LMO7: variants seen among roughly 807,000 people sequenced by gnomAD.
LMO7 encodes the protein LIM domain only protein 7.
A neutral mutation model predicts 206.5 loss-of-function variants in LMO7; 120 were observed. The observed-to-expected ratio is 0.58, with a 90% CI of 0.50 to 0.68. The LOEUF is 0.68. Among genes scored for constraint, LMO7 ranks in the 30% least tolerant of loss-of-function variants. The pLI is 0.00. For synonymous variants in LMO7, 706 were observed against 681.5 expected (o/e 1.04, Z -0.56); for missense variants, 1,959 against 1,957.9 (o/e 1.00, Z -0.01).
chr13:75,759,621 G>A (rs899807974), intron 3 of LMO7, among the ~76,000 whole-genome samples: 6 of 152,036 alleles, frequency 3.9e-5, no homozygotes, highest in African/African-American at 7.2e-5. Flanking sequence ...TAGGTAGTTC[G>A]CACTGCCTTT....
chr13:75,654,476 G>A (rs561090799), intron 1 of LMO7, among the ~76,000 whole-genome samples: 1 of 123,672 alleles, frequency 8.1e-6, no homozygotes, highest in Non-Finnish European at 1.8e-5. Flanking sequence ...TAGCCAAGAC[G>A]ATAGAGCCTC....
intron 1 of LMO7, among the ~76,000 whole-genome samples, chr13:75,708,961 C>A (rs2042866607): frequency 6.6e-6 from 1 of 152,002 alleles, no homozygotes; most frequent in Admixed American, 6.5e-5. Context: ...CCCCACCCCA[C>A]AACAGGCCCC....
rs1206819411 is a variant in LMO7, at chr13:75,672,963, T to C, written c.69+36237T>C. On this transcript the variant is annotated intron_variant, in intron 1 of 30. Coordinates refer to ENST00000377534, the MANE Select transcript of LMO7 (RefSeq NM_001306080.2). ...TGTGTTTTGTTTTCTATGAAAAACT[T>C]AAAAACTTTTTATCTAGTTGAGTTT... Among the ~76,000 whole-genome samples the C allele has an allele frequency of 2.6e-5, 4 of 152,352 alleles. No homozygotes were observed. In the East Asian group the frequency reaches 7.7e-4, roughly 29 times the overall value.
chr13:75,802,912 A>G (rs941004479), intron 7 of LMO7, among the ~76,000 whole-genome samples: 2 of 152,220 alleles, frequency 1.3e-5, no homozygotes, highest in Non-Finnish European at 2.9e-5. Context: ...GTGAAAACTC[A>G]TATCAAGAAT....
chr13:75,780,148 T>C (rs541628946), intron 4 of LMO7, among the ~76,000 whole-genome samples: 1 of 152,290 alleles, frequency 6.6e-6, no homozygotes, highest in Admixed American at 6.5e-5. Context: ...AGGTTCCCTG[T>C]CCCACTGTGC....
At chr13:75,819,347 G>A in intron 12 of LMO7, 46 bp from the exon 13 acceptor site, 1 of 1,545,060 alleles carries the variant, frequency 6.5e-7, no homozygotes, top group Non-Finnish European at 8.7e-7. Flanking sequence ...TAGAAAGGGT[G>A]TATAGAAATT....
At position 75,725,430 on chromosome 13, in the gene LMO7, T is replaced by C. The variant is rs963612360; in HGVS notation, c.141-1599T>C. On this transcript the variant is annotated intron_variant, in intron 2 of 30. Coordinates refer to ENST00000377534, the MANE Select transcript of LMO7 (RefSeq NM_001306080.2). ...TCACAAACTGCAAATAATTTCTTGATTTATACTTTCCAGAATTATGTTCCT... is the reference window on the plus strand; with the variant it reads ...TCACAAACTGCAAATAATTTCTTGACTTATACTTTCCAGAATTATGTTCCT... Among the ~76,000 whole-genome samples, 10 of 152,142 alleles carry C rather than the reference T, an allele frequency of 6.6e-5. 1 individual carries two copies. The highest frequency in any genetic ancestry group is 6.6e-4 in the Admixed American group (10 of 15,258).
At chr13:75,853,490 A>C in intron 28 of LMO7, 102 bp downstream of exon 28, 1 of 1,142,548 alleles carries the variant, frequency 8.8e-7, no homozygotes, top group Non-Finnish European at 1.2e-6. Context: ...GAAGAAAAAG[A>C]AGCCCTTTTG....
At chr13:75,683,190 GC>G (rs2040697875) in intron 1 of LMO7, among the ~76,000 whole-genome samples, 1 of 151,322 alleles carries the variant, frequency 6.6e-6, no homozygotes, top group Middle Eastern at 3.2e-3. Context: ...TCTTAACAGT[GC>G]CTTTCAAAGA....
intron 26 of LMO7, among the ~76,000 whole-genome samples, chr13:75,845,756 T>C (rs2059942297): frequency 1.3e-5 from 2 of 152,208 alleles, no homozygotes; most frequent in Non-Finnish European, 2.9e-5. Context: ...ATTATACATG[T>C]AAATGCCAAA....
At chr13:75,698,809 AC>A (rs1220679783) in intron 1 of LMO7, among the ~76,000 whole-genome samples, 1 of 152,190 alleles carries the variant, frequency 6.6e-6, no homozygotes, top group Non-Finnish European at 1.5e-5. Context: ...TTTTAAAAAA[AC>A]ATTTATTGAG....
chr13:75,654,640 G>A (rs534101487), intron 1 of LMO7, among the ~76,000 whole-genome samples: 1 of 152,102 alleles, frequency 6.6e-6, no homozygotes, highest in South Asian at 2.1e-4. Flanking sequence ...CTTTCCCTGT[G>A]GCCTGTCATT....
intron 1 of LMO7, among the ~76,000 whole-genome samples, chr13:75,695,486 A>G (rs1188713988): frequency 6.6e-6 from 1 of 152,242 alleles, no homozygotes; most frequent in Non-Finnish European, 1.5e-5. Context: ...AGCTGGGACT[A>G]CTGGCACATG....
At chr13:75,657,329 A>C (rs1003666768) in intron 1 of LMO7, among the ~76,000 whole-genome samples, 2 of 152,228 alleles carry the variant, frequency 1.3e-5, no homozygotes, top group African/African-American at 4.8e-5. Flanking sequence ...CAGCCCTAGG[A>C]CATACCAGCA....
chr13:75,785,296 G>A (rs1235722109), intron 4 of LMO7, among the ~76,000 whole-genome samples: 1 of 152,074 alleles, frequency 6.6e-6, no homozygotes. Flanking sequence ...AGGGTCTTGG[G>A]AAAGCCTATG....
At chr13:75,819,304 A>T (rs2057353835) in intron 12 of LMO7, 89 bp from the exon 13 acceptor site, 1 of 1,410,122 alleles carries the variant, frequency 7.1e-7, no homozygotes, top group East Asian at 2.5e-5. Flanking sequence ...AGTTTCAGTG[A>T]TGTAATAAGA....
chr13:75,679,150 G>A (rs1018981981), intron 1 of LMO7, among the ~76,000 whole-genome samples: 2 of 152,124 alleles, frequency 1.3e-5, no homozygotes, highest in African/African-American at 4.8e-5. Context: ...AGAGCACCTT[G>A]TATATAAGAA....
At chr13:75,650,033 T>C (rs1034843253) in intron 1 of LMO7, among the ~76,000 whole-genome samples, 31 of 152,170 alleles carry the variant, frequency 2.0e-4, no homozygotes, top group African/African-American at 7.0e-4. Flanking sequence ...GATGGGGTTT[T>C]ACCATGTTGC....
chr13:75,742,508 A>G (rs2046497646), intron 3 of LMO7, among the ~76,000 whole-genome samples: 1 of 152,164 alleles, frequency 6.6e-6, no homozygotes, highest in Non-Finnish European at 1.5e-5. Flanking sequence ...ACAGCATGTT[A>G]TGGTACAAAA....
Sources: gnomAD v4.1 joint callset for allele counts (sites outside exome capture counted in the v4.1 genomes callset) on GRCh38, gnomAD v4.1.1 for gene constraint, MANE v1.5 for transcripts, NCBI Gene and HGNC (gene_info 2026-07-23, HGNC 2026-07-21) for gene names.